The following EYS variants were observed in gnomAD, a reference collection of about 807,000 sequenced individuals.
EYS encodes the protein protein eyes shut homolog.
A neutral mutation model predicts 282.1 loss-of-function variants in EYS; 250 were observed. The ratio of observed to expected loss-of-function variants is 0.89; its 90% CI spans 0.80 to 0.98. EYS has a LOEUF of 0.98. EYS is among the 50% of genes least tolerant of loss of function. The probability of loss-of-function intolerance (pLI) is 0.00; values close to 1 mark genes in which losing one functional copy is unlikely to be tolerated. For synonymous variants in EYS, 1,355 were observed against 1,282.9 expected (o/e 1.06, Z -1.20); for missense variants, 4,016 against 3,709.0 (o/e 1.08, Z -2.15).
chr6:65,662,120 G>C (rs1768027959), intron 1 of EYS, among the ~76,000 whole-genome samples: 1 of 151,782 alleles, frequency 6.6e-6, no homozygotes, highest in Non-Finnish European at 1.5e-5. Context: ...GATAAATTAA[G>C]GTTAAGGATA....
At chr6:63,931,383 C>G (rs1347817826) in intron 35 of EYS, among the ~76,000 whole-genome samples, 1 of 152,200 alleles carries the variant, frequency 6.6e-6, no homozygotes, top group Non-Finnish European at 1.5e-5. Flanking sequence ...CCCTTTGTTT[C>G]TAACATTGTG....
intron 29 of EYS, among the ~76,000 whole-genome samples, chr6:64,334,291 G>T (rs549564207): frequency 1.3e-5 from 2 of 152,126 alleles, no homozygotes; most frequent in African/African-American, 4.8e-5. Flanking sequence ...ATGGACAGGG[G>T]CATGTGTATT....
chr6:64,240,153 G>A (rs891231555), intron 30 of EYS, among the ~76,000 whole-genome samples: 1 of 152,130 alleles, frequency 6.6e-6, no homozygotes, highest in Non-Finnish European at 1.5e-5. Flanking sequence ...TTTTGTTACT[G>A]TAGCCTTGTA....
At chr6:64,417,839 T>A (rs932025976) in intron 28 of EYS, among the ~76,000 whole-genome samples, 3 of 151,932 alleles carry the variant, frequency 2.0e-5, no homozygotes, top group Admixed American at 2.0e-4. Flanking sequence ...CCTGGCTAAT[T>A]GTTTTGTATC....
At chr6:65,554,162 C>A (rs541672567) in intron 2 of EYS, among the ~76,000 whole-genome samples, 5 of 152,252 alleles carry the variant, frequency 3.3e-5, no homozygotes, top group African/African-American at 4.8e-5. Flanking sequence ...TGTCTTCTAG[C>A]CTCTGGAACT....
chr6:65,478,460 T>C (rs1278600870), intron 5 of EYS, among the ~76,000 whole-genome samples: 2 of 152,108 alleles, frequency 1.3e-5, no homozygotes, highest in Non-Finnish European at 2.9e-5. Context: ...AATTATATGC[T>C]TACCAAGTAT....
intron 31 of EYS, among the ~76,000 whole-genome samples, chr6:64,151,353 ATATATATAT>A (rs1351381681): frequency 5.0e-5 from 5 of 100,054 alleles, no homozygotes; most frequent in Non-Finnish European, 1.0e-4. Context: ...ATATATATAT[ATATATATAT>A]AATTTTTTTT....
intron 34 of EYS, among the ~76,000 whole-genome samples, chr6:63,986,492 A>C (rs1015696378): frequency 2.0e-5 from 3 of 151,804 alleles, no homozygotes; most frequent in Non-Finnish European, 2.9e-5. Context: ...TTTCAGCACT[A>C]TTCATAATAG....
chr6:65,169,169 A>G (rs1249487650), intron 12 of EYS, among the ~76,000 whole-genome samples: 1 of 151,440 alleles, frequency 6.6e-6, no homozygotes, highest in East Asian at 2.0e-4. Flanking sequence ...TCCATAATGA[A>G]TCTGTTTTCA....
intron 31 of EYS, among the ~76,000 whole-genome samples, chr6:64,229,393 C>T (rs1414571313): frequency 1.3e-5 from 2 of 151,588 alleles, no homozygotes; most frequent in Admixed American, 6.6e-5. Context: ...GCTTTACAAC[C>T]CAAATTATCT....
intron 41 of EYS, among the ~76,000 whole-genome samples, chr6:63,727,788 G>A (rs1430513079): frequency 9.2e-6 from 1 of 108,752 alleles, no homozygotes; most frequent in African/African-American, 4.0e-5. Context: ...TGTGGTCCCA[G>A]CTACTGGGGA....
intron 19 of EYS, among the ~76,000 whole-genome samples, chr6:64,838,162 C>A (rs1166976277): frequency 6.6e-6 from 1 of 151,814 alleles, no homozygotes; most frequent in East Asian, 1.9e-4. Context: ...TGTTTCTGTG[C>A]CATTTAGTTT....
chr6:64,199,638 G>A (rs1320545085), intron 31 of EYS, among the ~76,000 whole-genome samples: 1 of 151,960 alleles, frequency 6.6e-6, no homozygotes, highest in Non-Finnish European at 1.5e-5. Context: ...GAGTGAACAG[G>A]CAACCTACAG....
At chr6:64,261,937 G>A (rs764707122) in intron 30 of EYS, among the ~76,000 whole-genome samples, 36 of 151,778 alleles carry the variant, frequency 2.4e-4, no homozygotes, top group Non-Finnish European at 4.1e-4. Flanking sequence ...CATATATTTT[G>A]TAGAGAAGGT....
chr6:64,319,698 G>GATGT (rs1770132928), intron 29 of EYS, among the ~76,000 whole-genome samples: 1 of 99,564 alleles, frequency 1.0e-5, no homozygotes, highest in Non-Finnish European at 2.2e-5. Flanking sequence ...CAGATGGATG[G>GATGT]ATGGATGGAT....
chr6:64,154,995 A>G lies in EYS; in HGVS notation c.6425-72993T>C, dbSNP rs367842267. ...TTGTAAAACTAGCAAGCATATTTCC[A>G]TAGTAGGAAATGGGCTAAAGTTTGG... On this transcript the variant is annotated intron_variant, in intron 31 of 42. Transcript: ENST00000503581. 4.3e-4 allele frequency among the ~76,000 whole-genome samples: 66 copies of G among 152,290 alleles called. No individual in the cohort carries two copies. In the East Asian group the frequency reaches 0.012, roughly 28 times the overall value.
At position 64,237,894 on chromosome 6, in the gene EYS, C is replaced by A. The variant is rs983701839; in HGVS notation, c.6192-7070G>T. Among the ~76,000 whole-genome samples, 11 of 151,982 alleles carry A rather than the reference C, an allele frequency of 7.2e-5. No individual in the cohort carries two copies. In the East Asian group the frequency reaches 1.4e-3, roughly 19 times the overall value. On this transcript the variant is annotated intron_variant, in intron 30 of 42. Transcript: ENST00000503581. ...AATTACTGTTAGTACATGAAAAATT[C>A]TCATTTGCCATTCAAAATAAATGTT...
intron 35 of EYS, among the ~76,000 whole-genome samples, chr6:63,961,297 T>C (rs1310068431): frequency 6.6e-6 from 1 of 152,190 alleles, no homozygotes; most frequent in African/African-American, 2.4e-5. Flanking sequence ...GAAGTGAAAG[T>C]GGCCAGTTCC....
At chr6:64,041,651 A>C (rs1770396317) in intron 33 of EYS, among the ~76,000 whole-genome samples, 1 of 152,216 alleles carries the variant, frequency 6.6e-6, no homozygotes, top group Non-Finnish European at 1.5e-5. Context: ...AGAAGGCAAT[A>C]ACAATCTTCA....
Sources: allele counts gnomAD v4.1 joint callset (sites outside exome capture counted in the v4.1 genomes callset), GRCh38; gene constraint gnomAD v4.1.1; transcripts MANE v1.5; gene names NCBI Gene and HGNC (gene_info 2026-07-23, HGNC 2026-07-21).